The following SHPRH variants were observed in gnomAD, a reference collection of about 807,000 sequenced individuals.
SHPRH encodes the protein SNF2 histone linker PHD RING helicase.
In SHPRH, 106 loss-of-function variants were observed where a neutral mutation model predicts 202.5. The ratio of observed to expected loss-of-function variants is 0.52; its 90% CI spans 0.45 to 0.62. The LOEUF (loss-of-function observed/expected upper bound fraction) is 0.62. Ranked by LOEUF, SHPRH falls within the 20% of genes least tolerant of loss-of-function variation. SHPRH has a pLI of 0.00. For missense variants in SHPRH, 1,710 were observed against 2,020.0 expected (o/e 0.85, Z 2.94); for synonymous variants, 729 against 686.0 (o/e 1.06, Z -0.98).
chr6:145,938,137 G>A (rs1186404781), intron 11 of SHPRH, among the ~76,000 whole-genome samples: 1 of 152,124 alleles, frequency 6.6e-6, no homozygotes, highest in African/African-American at 2.4e-5. Context: ...AATAATATTA[G>A]GAGGTGGGGC....
chr6:145,920,528 AAAGC>A (rs1562321181), intron 21 of SHPRH, among the ~76,000 whole-genome samples: 1 of 151,484 alleles, frequency 6.6e-6, no homozygotes, highest in African/African-American at 2.4e-5. Context: ...CCTACTTTAA[AAAGC>A]AAGACTTTTT....
In SHPRH at chr6:145,933,259, T is replaced by C. The variant is rs1195801500; in HGVS notation, c.2991-81A>G. On this transcript the variant is annotated intron_variant, in intron 13 of 29. Transcript: ENST00000275233. ...AGTGGGAGTGTTATATCTCACATGATCAAGAGTGTATGAGACTCGCAGTTT... is the reference window on the plus strand; with the variant it reads ...AGTGGGAGTGTTATATCTCACATGACCAAGAGTGTATGAGACTCGCAGTTT... 18 of 1,594,826 alleles carry C rather than the reference T, an allele frequency of 1.1e-5. No homozygotes were observed. The East Asian group carries it at 3.8e-4, about 34-fold the overall frequency.
downstream of SHPRH, among the ~76,000 whole-genome samples, chr6:145,860,868 G>A (rs945201442): frequency 6.6e-6 from 1 of 152,032 alleles, no homozygotes; most frequent in Non-Finnish European, 1.5e-5. Context: ...ACTGATCTTT[G>A]ACAAGGATGC....
At chr6:145,874,239 T>A (rs975234644) in intron 2 of SHPRH, among the ~76,000 whole-genome samples, 1 of 151,220 alleles carries the variant, frequency 6.6e-6, no homozygotes. Flanking sequence ...ATAATAATAA[T>A]GTGTGGGCAG....
chr6:145,948,254 A>C lies in SHPRH; in HGVS notation c.1061+18T>G. The C allele has an allele frequency of 6.5e-7, 1 of 1,539,336 alleles. No homozygotes were observed. Among genetic ancestry groups the C allele is most frequent in the Non-Finnish European group, 8.8e-7 (1 of 1,138,766 alleles). On this transcript the variant is annotated intron_variant, in intron 5 of 29. Coordinates refer to ENST00000275233, the MANE Select transcript of SHPRH (RefSeq NM_001042683.3). ...ATTTATTTTTTAAATCAAGCATATA[A>C]GTAAAATTTTGCCTTACCAGCCTGT... is the stretch of plus-strand genomic sequence containing the variant.
At chr6:145,875,418 T>C (rs1392005623) in intron 2 of SHPRH, among the ~76,000 whole-genome samples, 1 of 152,232 alleles carries the variant, frequency 6.6e-6, no homozygotes, top group Non-Finnish European at 1.5e-5. Flanking sequence ...ACTTAGGCCA[T>C]AGCCGTTCCA....
chr6:145,905,947 T>C (rs1229717015), intron 25 of SHPRH: 1 of 152,130 alleles, frequency 6.6e-6, no homozygotes, highest in Non-Finnish European at 1.5e-5. Context: ...ACCCGTATTT[T>C]ATGAAACAAA....
chr6:145,945,722 G>T, intron 7 of SHPRH, 85 bp from the exon 8 acceptor site: 1 of 1,354,076 alleles, frequency 7.4e-7, no homozygotes, highest in Non-Finnish European at 9.7e-7. Context: ...TCTGCATGAG[G>T]ACTGAGTTAA....
intron 14 of SHPRH, among the ~76,000 whole-genome samples, chr6:145,929,907 T>G (rs1343646677): frequency 6.6e-6 from 1 of 152,136 alleles, no homozygotes; most frequent in Non-Finnish European, 1.5e-5. Flanking sequence ...AACATCATTC[T>G]TCATCTCTGT....
Position 145,894,805 on chromosome 6 carries a change from A to G in SHPRH, c.4608+80T>C. On this transcript the variant is annotated intron_variant, in intron 26 of 29. Transcript: ENST00000275233. ...AAAAAAATCTAAGAGTAAACATCAA[A>G]AATTAGTTCTCAGCTGTAAACTGAT... The G allele has an allele frequency of 7.2e-6, 9 of 1,257,308 alleles. No homozygotes were observed. In the South Asian group the frequency reaches 1.3e-4, roughly 18 times the overall value. The allele number at this position is 1,257,308 out of a possible 1,614,324, so 77.9% of individuals were successfully genotyped here.
chr6:145,938,694 A>AT (rs1183984741), intron 11 of SHPRH, among the ~76,000 whole-genome samples: 1 of 152,146 alleles, frequency 6.6e-6, no homozygotes, highest in Non-Finnish European at 1.5e-5. Context: ...AAAACACCTT[A>AT]TTTTATAGAT....
intron 14 of SHPRH, 153 bp from the exon 15 acceptor site, chr6:145,927,430 T>C (rs1363345080): frequency 1.5e-5 from 9 of 597,640 alleles, no homozygotes; most frequent in African/African-American, 7.4e-5. Flanking sequence ...ATTAATATGA[T>C]TGCCCAAGTT....
chr6:145,922,654 A>G lies in SHPRH; in HGVS notation c.3719+9T>C. On this transcript the variant is annotated intron_variant, in intron 19 of 29. Transcript: ENST00000275233. ...ACCATTTCATTGTATGATTTCTTCT[A>G]TTACCTACCAGTTGAGAGGAAGTCT... The G allele has an allele frequency of 6.3e-7, 1 of 1,591,472 alleles. No homozygotes were observed. Among genetic ancestry groups the G allele is most frequent in the Non-Finnish European group, 8.5e-7 (1 of 1,172,064 alleles).
chr6:145,873,430 C>T (rs1043283908), intron 2 of SHPRH, among the ~76,000 whole-genome samples: 1 of 152,166 alleles, frequency 6.6e-6, no homozygotes, highest in Non-Finnish European at 1.5e-5. Flanking sequence ...TATTCTTACA[C>T]TATCAATTGA....
chr6:145,889,325 C>G (rs1279671350), intron 28 of SHPRH, among the ~76,000 whole-genome samples: 2 of 152,048 alleles, frequency 1.3e-5, no homozygotes, highest in Non-Finnish European at 2.9e-5. Context: ...ATCAACCAGA[C>G]AGGTTGACAG....
chr6:145,922,949 T>G (rs1477905685), intron 18 of SHPRH, 113 bp from the exon 19 acceptor site: 39 of 1,278,492 alleles, frequency 3.1e-5, no homozygotes, highest in Non-Finnish European at 4.0e-5. Context: ...TTTGCTGTTT[T>G]TTTTTTTTTT....
intron 2 of SHPRH, among the ~76,000 whole-genome samples, chr6:145,867,176 T>C (rs1298140314): frequency 6.6e-6 from 1 of 152,110 alleles, no homozygotes; most frequent in Non-Finnish European, 1.5e-5. Context: ...CTACTCTTCG[T>C]CACTCTCTGA....
intron 2 of SHPRH, among the ~76,000 whole-genome samples, chr6:145,869,167 G>T (rs1423404371): frequency 6.6e-6 from 1 of 152,108 alleles, no homozygotes; most frequent in Non-Finnish European, 1.5e-5. Context: ...TACCTGTTAA[G>T]GTCTTTGGCT....
chr6:145,878,965 T>C lies in SHPRH; in HGVS notation c.221+9055A>G, dbSNP rs192608803. On this transcript the variant is annotated intron_variant, in intron 2 of 2. Transcript: ENST00000417762. The stretch of plus-strand genomic sequence containing the variant: ...AGGAATAAGAATCAAATAGCACTTC[T>C]TACTGTTCATGGACTTCAAAAGATT... Among the ~76,000 whole-genome samples the C allele has an allele frequency of 1.1e-3, 170 of 152,344 alleles. 2 individuals carry two copies. The highest frequency in any genetic ancestry group is 1.0e-3 in the Non-Finnish European group (71 of 68,022).
Sources: gnomAD v4.1 joint callset for allele counts (sites outside exome capture counted in the v4.1 genomes callset) on GRCh38, gnomAD v4.1.1 for gene constraint, MANE v1.5 for transcripts, NCBI Gene and HGNC (gene_info 2026-07-23, HGNC 2026-07-21) for gene names.